PLAC1: variants seen among roughly 807,000 people sequenced by gnomAD.
The protein encoded by PLAC1 is placenta-specific protein 1.
For missense variants in PLAC1, 136 were observed against 163.2 expected (o/e 0.83, Z 0.91); for synonymous variants, 68 against 62.1 (o/e 1.09, Z -0.44).
At chrX:134,597,504 G>A (rs190342647) in intron 2 of PLAC1, among the ~76,000 whole-genome samples, 10 of 112,249 alleles carry the variant, frequency 8.9e-5, no homozygotes, top group Non-Finnish European at 1.7e-4. Context: ...TTTTCACTCA[G>A]TTTGAAATCT....
intron 2 of PLAC1, among the ~76,000 whole-genome samples, chrX:134,575,230 G>C (rs939948412): frequency 9.0e-6 from 1 of 111,509 alleles, no homozygotes; most frequent in African/African-American, 3.3e-5. Flanking sequence ...ATCCACATAT[G>C]ATAGAGTATT....
intron 1 of PLAC1, among the ~76,000 whole-genome samples, chrX:134,638,762 TA>T (rs56714261): frequency 1.6e-3 from 166 of 102,534 alleles, no homozygotes; most frequent in South Asian, 6.7e-3. Context: ...CTGGCTTTTT[TA>T]AAAAAAAAAA....
At chrX:134,734,090 A>G (rs2078696495) in intron 1 of PLAC1, among the ~76,000 whole-genome samples, 1 of 112,277 alleles carries the variant, frequency 8.9e-6, no homozygotes. Flanking sequence ...AAGTAAAACA[A>G]GGAGGTCTGT....
At chrX:134,700,864 C>A (rs2078580587) in intron 2 of PLAC1, among the ~76,000 whole-genome samples, 2 of 111,530 alleles carry the variant, frequency 1.8e-5, no homozygotes, top group South Asian at 7.5e-4. Context: ...CCATATTGCC[C>A]AAAGGAATCT....
chrX:134,738,609 G>T (rs988262743), intron 1 of PLAC1, among the ~76,000 whole-genome samples: 3 of 112,212 alleles, frequency 2.7e-5, no homozygotes, highest in Non-Finnish European at 5.6e-5. Flanking sequence ...CGGGTGACCA[G>T]ACAGCTCATG....
At chrX:134,722,375 T>G in intron 2 of PLAC1, among the ~76,000 whole-genome samples, 1 of 112,656 alleles carries the variant, frequency 8.9e-6, no homozygotes, top group Non-Finnish European at 1.9e-5. Context: ...TGATTCATGC[T>G]ACAATGTGGA....
chrX:134,692,497 T>C (rs1428277585), intron 2 of PLAC1, among the ~76,000 whole-genome samples: 1 of 111,881 alleles, frequency 8.9e-6, no homozygotes, highest in Non-Finnish European at 1.9e-5. Context: ...GGCAGATTCC[T>C]GGTTAACAAA....
intron 2 of PLAC1, among the ~76,000 whole-genome samples, chrX:134,691,148 TG>T (rs1464041400): frequency 1.0e-5 from 1 of 98,935 alleles, no homozygotes; most frequent in Non-Finnish European, 2.0e-5. Flanking sequence ...CTCTGTAAAA[TG>T]GGGGTAATAC....
At chrX:134,612,099 C>T (rs1396780247) in intron 1 of PLAC1, among the ~76,000 whole-genome samples, 1 of 112,353 alleles carries the variant, frequency 8.9e-6, no homozygotes, top group Non-Finnish European at 1.9e-5. Flanking sequence ...GCTTCTTGTA[C>T]CACACCTGAT....
chrX:134,571,589 A>C (rs1365603645), intron 2 of PLAC1, among the ~76,000 whole-genome samples: 1 of 111,953 alleles, frequency 8.9e-6, no homozygotes, highest in East Asian at 2.8e-4. Flanking sequence ...TCTATTTCTT[A>C]ATGTTTTATA....
chrX:134,617,344 C>T (rs2078188890), intron 1 of PLAC1, among the ~76,000 whole-genome samples: 1 of 111,645 alleles, frequency 9.0e-6, no homozygotes, highest in African/African-American at 3.3e-5. Context: ...GTTGCTCTGG[C>T]TAGTACTTCC....
intron 2 of PLAC1, among the ~76,000 whole-genome samples, chrX:134,680,535 A>AAACTG (rs1210124123): frequency 1.5e-4 from 15 of 98,736 alleles, no homozygotes; most frequent in Admixed American, 3.6e-4. Context: ...AAACTGAACT[A>AAACTG]AACTAAACTG....
intron 1 of PLAC1, among the ~76,000 whole-genome samples, chrX:134,650,378 C>G (rs747855785): frequency 2.7e-5 from 3 of 111,686 alleles, no homozygotes; most frequent in Non-Finnish European, 5.6e-5. Context: ...CACGGAGAGA[C>G]AGCTGACACT....
chrX:134,592,142 A>G (rs902595514), intron 2 of PLAC1, among the ~76,000 whole-genome samples: 3 of 112,377 alleles, frequency 2.7e-5, no homozygotes, highest in African/African-American at 9.7e-5. Flanking sequence ...TATTTTGGTC[A>G]GGTCCAATTT....
intron 1 of PLAC1, chrX:134,651,235 A>T: frequency 4.7e-6 from 1 of 211,825 alleles, no homozygotes; most frequent in Non-Finnish European, 9.5e-6. Context: ...TGGTCTTTCC[A>T]AGTGAAATTG....
At chrX:134,577,392 G>A (rs1378671512) in intron 2 of PLAC1, among the ~76,000 whole-genome samples, 1 of 111,876 alleles carries the variant, frequency 8.9e-6, no homozygotes, top group Non-Finnish European at 1.9e-5. Context: ...TCAGAGGCTA[G>A]AGTAGATGAT....
chrX:134,694,700 A>C (rs1391551270), intron 2 of PLAC1, among the ~76,000 whole-genome samples: 2 of 112,322 alleles, frequency 1.8e-5, no homozygotes, highest in African/African-American at 3.2e-5. Context: ...AAGAAGAATC[A>C]AGTCTCTGGT....
chrX:134,678,531 TC>T (rs1310154722), intron 2 of PLAC1, among the ~76,000 whole-genome samples: 1 of 111,863 alleles, frequency 8.9e-6, no homozygotes, highest in Non-Finnish European at 1.9e-5. Flanking sequence ...TTTTCTATCT[TC>T]TTACCCTGTT....
chrX:134,603,270 T>C (rs1288121647), intron 1 of PLAC1, among the ~76,000 whole-genome samples: 2 of 2,265 alleles, frequency 8.8e-4, no homozygotes, highest in Non-Finnish European at 1.5e-3. Flanking sequence ...CTCTGTATTT[T>C]ATATATATAT....
Sources: gnomAD v4.1 joint callset for allele counts (sites outside exome capture counted in the v4.1 genomes callset) on GRCh38, gnomAD v4.1.1 for gene constraint, MANE v1.5 for transcripts, NCBI Gene and HGNC (gene_info 2026-07-23, HGNC 2026-07-21) for gene names.